ASB4: variants seen among roughly 807,000 people sequenced by gnomAD.
ASB4 encodes ankyrin repeat and SOCS box containing 4.
Under a neutral mutation model 38.6 loss-of-function variants are expected in ASB4, and 35 were observed. The observed-to-expected ratio is 0.91, with a 90% CI of 0.69 to 1.20. The LOEUF (loss-of-function observed/expected upper bound fraction) is 1.20, where lower values mean the gene tolerates loss of function less well. Among genes scored for constraint, ASB4 ranks in the 50% most tolerant of loss-of-function variants. The pLI, the probability that ASB4 is intolerant of heterozygous loss-of-function variation, is 0.00. For synonymous variants in ASB4, 195 were observed against 201.3 expected, an observed-to-expected ratio of 0.97 and a Z score of 0.26; for missense variants, 557 against 527.2, an observed-to-expected ratio of 1.06 and a Z score of -0.55.
At chr7:95,515,958 G>A (rs986466970) in intron 2 of ASB4, among the ~76,000 whole-genome samples, 1 of 152,114 alleles carries the variant, frequency 6.6e-6, no homozygotes, top group Non-Finnish European at 1.5e-5. Context: ...TTCATGCCAT[G>A]TTATCTCCCT....
At chr7:95,490,755 C>A (rs906918525) in intron 1 of ASB4, among the ~76,000 whole-genome samples, 1 of 152,256 alleles carries the variant, frequency 6.6e-6, no homozygotes, top group African/African-American at 2.4e-5. Flanking sequence ...TTCTAGGCAG[C>A]TTTCTACCCA....
chr7:95,537,925 TAAAG>T lies in ASB4; in HGVS notation c.*169_*172del. ...CCTAGAATATCATGGTATGGGGAAA[TAAAG>T]AAGAAGTAAAGTTAAGGAATTTTCA... On this transcript the variant is annotated 3_prime_UTR_variant, in exon 5 of 5. Transcript: ENST00000325885. 2 of 598,142 alleles carry T rather than the reference TAAAG, an allele frequency of 3.3e-6. No individual in the cohort carries two copies. Among genetic ancestry groups the T allele is most frequent in the Non-Finnish European group, 5.8e-6 (2 of 347,094 alleles). The allele number at this position is 598,142 out of a possible 1,614,324, so 37.1% of individuals were successfully genotyped here.
At chr7:95,533,840 T>A (rs995126762) in intron 3 of ASB4, among the ~76,000 whole-genome samples, 1 of 152,182 alleles carries the variant, frequency 6.6e-6, no homozygotes, top group African/African-American at 2.4e-5. Flanking sequence ...ACATAGTAAG[T>A]CCTCGAAAAA....
upstream of ASB4, among the ~76,000 whole-genome samples, chr7:95,482,146 C>T (rs1264595736): frequency 2.0e-5 from 3 of 152,126 alleles, no homozygotes; most frequent in Non-Finnish European, 4.4e-5. Context: ...CTTTGCTGCT[C>T]AGGTAAAATA....
At chr7:95,519,747 A>G (rs1279905254) in intron 2 of ASB4, among the ~76,000 whole-genome samples, 1 of 152,104 alleles carries the variant, frequency 6.6e-6, no homozygotes, top group Non-Finnish European at 1.5e-5. Context: ...GAAAAGTGTA[A>G]TTTTTTAAGG....
intron 2 of ASB4, among the ~76,000 whole-genome samples, chr7:95,502,856 C>T (rs1296997133): frequency 6.6e-6 from 1 of 152,008 alleles, no homozygotes; most frequent in Non-Finnish European, 1.5e-5. Context: ...CAAAAAATTG[C>T]TTGATTCCTA....
intron 3 of ASB4, among the ~76,000 whole-genome samples, chr7:95,530,295 T>C (rs1046103560): frequency 2.0e-5 from 3 of 151,872 alleles, no homozygotes; most frequent in African/African-American, 7.3e-5. Context: ...TGAAACCCTG[T>C]CTCTAATAAA....
At chr7:95,501,023 CTTTA>C (rs1790329049) in intron 2 of ASB4, among the ~76,000 whole-genome samples, 1 of 152,050 alleles carries the variant, frequency 6.6e-6, no homozygotes, top group Non-Finnish European at 1.5e-5. Context: ...TAGTTTTTAT[CTTTA>C]TTGATTTTTA....
intron 2 of ASB4, among the ~76,000 whole-genome samples, chr7:95,497,119 G>A (rs1347730699): frequency 1.3e-5 from 2 of 152,088 alleles, no homozygotes; most frequent in Admixed American, 6.5e-5. Context: ...GGGCCTTTGA[G>A]GGTCAAAGTG....
At chr7:95,514,785 C>A (rs1585809349) in intron 2 of ASB4, among the ~76,000 whole-genome samples, 1 of 152,150 alleles carries the variant, frequency 6.6e-6, no homozygotes, top group East Asian at 1.9e-4. Flanking sequence ...TCTGAAATGG[C>A]CTTTCTGCAA....
At chr7:95,507,048 T>C (rs1219161869) in intron 2 of ASB4, among the ~76,000 whole-genome samples, 1 of 152,154 alleles carries the variant, frequency 6.6e-6, no homozygotes, top group Admixed American at 6.5e-5. Flanking sequence ...TTTCCTCAGA[T>C]GTCTTATAAT....
intron 2 of ASB4, among the ~76,000 whole-genome samples, chr7:95,498,984 C>A (rs898050227): frequency 6.6e-6 from 1 of 152,130 alleles, no homozygotes; most frequent in Non-Finnish European, 1.5e-5. Context: ...TGGACTCCAG[C>A]CTATTCCATT....
At chr7:95,504,854 C>G (rs1474552934) in intron 2 of ASB4, among the ~76,000 whole-genome samples, 3 of 152,136 alleles carry the variant, frequency 2.0e-5, no homozygotes, top group Admixed American at 2.0e-4. Context: ...TCCAATCATT[C>G]TGCTCTGAGT....
chr7:95,472,215 T>A, the ASB4 span, among the ~76,000 whole-genome samples: 1 of 136,758 alleles, frequency 7.3e-6, no homozygotes, highest in Non-Finnish European at 1.6e-5. Context: ...TATCTGCACT[T>A]ACATTCTTTC....
At chr7:95,503,637 G>A (rs1790370039) in intron 2 of ASB4, among the ~76,000 whole-genome samples, 1 of 152,208 alleles carries the variant, frequency 6.6e-6, no homozygotes, top group Non-Finnish European at 1.5e-5. Flanking sequence ...TACTCTGGGG[G>A]AGAACTCAAA....
In ASB4 at chr7:95,527,921, C is replaced by T; in HGVS notation, c.596C>T (p.Ala199Val). The change falls in exon 3 of 5, where the codon GCC becomes GTC. Residue 199 changes from alanine to valine, a missense_variant. Ala to Val is a moderately conservative substitution (Grantham distance 64, BLOSUM62 0). Transcript: ENST00000325885. ...ELVAFYVEHGAIVDSVNAHME... is the reference protein window; with the variant it reads ...ELVAFYVEHGVIVDSVNAHME... ...GTGGCCTTCTACGTGGAACACGGGG[C>T]CATAGTGGACAGCGTGAATGCCCAC... is the stretch of plus-strand genomic sequence containing the variant. The T allele has an allele frequency of 1.2e-6, 2 of 1,614,138 alleles. No homozygotes were observed. Among genetic ancestry groups the T allele is most frequent in the South Asian group, 2.2e-5 (2 of 91,076 alleles).
At chr7:95,515,267 CTCTTTCTT>C (rs1227960057) in intron 2 of ASB4, among the ~76,000 whole-genome samples, 3,626 of 72,590 alleles carry the variant, frequency 0.05, 170 homozygotes, top group African/African-American at 0.073. Context: ...TTCTTTCTTT[CTCTTTCTT>C]TCTTTCTTTC....
rs1455592356 is a variant in ASB4 at position 95,496,005 on chromosome 7, C to T, written c.435C>T (p.His145=). The T allele has an allele frequency of 1.2e-6, 2 of 1,613,924 alleles. No homozygotes were observed. Among genetic ancestry groups the T allele is most frequent in the East Asian group, 4.5e-5 (2 of 44,884 alleles). The change falls in exon 2 of 5, where the codon CAC becomes CAT. Residue 145 remains histidine (H), a synonymous_variant. Coordinates refer to ENST00000325885, the MANE Select transcript of ASB4 (RefSeq NM_016116.3). ...CCTTAAGTGGACACACAGCTTTGCACTTTTGTACAACTCCAAGTTCCATTC... is the reference window on the plus strand; with the variant it reads ...CCTTAAGTGGACACACAGCTTTGCATTTTTGTACAACTCCAAGTTCCATTC... ...CYSLSGHTAL[H]FCTTPSSILC...
intron 2 of ASB4, among the ~76,000 whole-genome samples, chr7:95,511,658 G>A (rs998666537): frequency 6.7e-6 from 1 of 148,766 alleles, no homozygotes; most frequent in Non-Finnish European, 1.5e-5. Context: ...GCAAAACTCC[G>A]TCTCAAAAAA....
Sources: gnomAD v4.1 joint callset for allele counts (sites outside exome capture counted in the v4.1 genomes callset) on GRCh38, gnomAD v4.1.1 for gene constraint, MANE v1.5 for transcripts, NCBI Gene and HGNC (gene_info 2026-07-23, HGNC 2026-07-21) for gene names.